The following DLG5 variants were observed in gnomAD, a reference collection of about 807,000 sequenced individuals.
DLG5 encodes the protein disks large homolog 5.
In DLG5, 48 loss-of-function variants were observed where a neutral mutation model predicts 189.8. The observed-to-expected ratio is 0.25, with a 90% CI of 0.20 to 0.32. DLG5 has a LOEUF of 0.32. Ranked by LOEUF, DLG5 falls within the 10% of genes least tolerant of loss-of-function variation. The pLI is 1.00. For missense variants in DLG5, 2,160 were observed against 2,544.7 expected (o/e 0.85, Z 3.25); for synonymous variants, 1,016 against 1,054.1 (o/e 0.96, Z 0.70).
At chr10:77,831,009 CAG>C (rs1842873048) in intron 9 of DLG5, 136 bp from the exon 10 acceptor site, 1 of 1,096,004 alleles carries the variant, frequency 9.1e-7, no homozygotes, top group South Asian at 1.7e-5. Flanking sequence ...CCCAATAACT[CAG>C]AGTCAGGTCA....
rs1235308691 is a variant in DLG5, at chr10:77,867,717, A to C, written c.373+1412T>G. On this transcript the variant is annotated intron_variant, in intron 2 of 31. Coordinates refer to ENST00000372391, the MANE Select transcript of DLG5 (RefSeq NM_004747.4). ...TAAAGTCCCAATCCAGTAAATGTGA[A>C]TGTGAACCTTATTTGGAAAGGTCAA... 2.0e-5 allele frequency among the ~76,000 whole-genome samples: 3 copies of C among 152,270 alleles called. No homozygotes were observed. The East Asian group carries it at 5.8e-4, about 29-fold the overall frequency.
intron 5 of DLG5, among the ~76,000 whole-genome samples, chr10:77,848,177 C>T (rs1165412166): frequency 1.3e-5 from 2 of 152,050 alleles, no homozygotes; most frequent in Non-Finnish European, 2.9e-5. Flanking sequence ...TGCAGGGAGG[C>T]CAGGAAGAGA....
chr10:77,849,977 G>C (rs1053513348), intron 5 of DLG5, among the ~76,000 whole-genome samples: 1 of 152,188 alleles, frequency 6.6e-6, no homozygotes, highest in Admixed American at 6.5e-5. Context: ...TGGGATTACA[G>C]GTGTGAGCCA....
At chr10:77,831,283 T>C (rs1177524967) in intron 9 of DLG5, among the ~76,000 whole-genome samples, 1 of 152,044 alleles carries the variant, frequency 6.6e-6, no homozygotes, top group Non-Finnish European at 1.5e-5. Flanking sequence ...CATGTGCCTG[T>C]AACCTCGGCT....
Position 77,805,820 on chromosome 10 carries a change from A to G in DLG5, c.5009T>C (p.Val1670Ala). 6.2e-7 allele frequency: 1 copy of G among 1,614,068 alleles called. No homozygotes were observed. Among genetic ancestry groups the G allele is most frequent in the Non-Finnish European group, 8.5e-7 (1 of 1,179,968 alleles). The part of the protein sequence containing the change: ...EFSRRLSMSE[V>A]KDDNSATKTL... ...CTTTGTGGCGCTATTGTCATCTTTG[A>G]CTTCAGACATGCTGAGCCTCCTGGA... The change falls in exon 27 of 32, where the codon GTC becomes GCC. Residue 1670 changes from valine (V) to alanine (A), a missense_variant. Transcript: ENST00000372391.
Position 77,914,092 on chromosome 10 carries a change from T to C in DLG5, c.304+12125A>G, listed in dbSNP as rs1846296069. Among the ~76,000 whole-genome samples the C allele has an allele frequency of 2.0e-5, 3 of 151,916 alleles. 1 individual carries two copies. In the Admixed American group the frequency reaches 2.0e-4, roughly 10 times the overall value. ...GCATCTAAGTCCCTCTAAGTATCCTTTCCTCAAAAACAAGCTCTTCAAGGT... is the reference window on the plus strand; with the variant it reads ...GCATCTAAGTCCCTCTAAGTATCCTCTCCTCAAAAACAAGCTCTTCAAGGT... On this transcript the variant is annotated intron_variant, in intron 1 of 31. Transcript: ENST00000372391.
At chr10:77,824,908 A>T (rs1842543491) in intron 13 of DLG5, among the ~76,000 whole-genome samples, 1 of 152,226 alleles carries the variant, frequency 6.6e-6, no homozygotes, top group Non-Finnish European at 1.5e-5. Context: ...TTGTAGAGAA[A>T]GTACCACGCG....
rs144191559 is a variant in DLG5 at position 77,885,888 on chromosome 10, C to G, written c.305-16691G>C. ...TGCCAGGAGTGAAACAAGCCCACAACTCTGATGAGCAGGATGAGAGGAGGA... is the reference window on the plus strand; with the variant it reads ...TGCCAGGAGTGAAACAAGCCCACAAGTCTGATGAGCAGGATGAGAGGAGGA... On this transcript the variant is annotated intron_variant, in intron 1 of 31. Coordinates refer to ENST00000372391, the MANE Select transcript of DLG5 (RefSeq NM_004747.4). Among the ~76,000 whole-genome samples, 125 of 152,320 alleles carry G rather than the reference C, an allele frequency of 8.2e-4. 1 individual carries two copies. In the East Asian group the frequency reaches 0.021, roughly 26 times the overall value.
intron 31 of DLG5, chr10:77,793,616 G>T (rs2154574718): frequency 5.4e-6 from 1 of 185,302 alleles, no homozygotes; most frequent in Admixed American, 6.1e-5. Context: ...TGCCCTGGAG[G>T]GTGCTAGGGA....
chr10:77,814,570 T>C (rs1841959744), intron 20 of DLG5, among the ~76,000 whole-genome samples: 1 of 148,632 alleles, frequency 6.7e-6, no homozygotes, highest in South Asian at 2.1e-4. Context: ...TTCTTCTTTC[T>C]ACTTTTCTGT....
chr10:77,907,902 T>C (rs1264207950), intron 1 of DLG5, among the ~76,000 whole-genome samples: 2 of 152,178 alleles, frequency 1.3e-5, no homozygotes, highest in Non-Finnish European at 2.9e-5. Flanking sequence ...AAAAGGTTGC[T>C]GGTGAGATCA....
rs751911342 is a variant in DLG5 at position 77,796,420 on chromosome 10, G to A, written c.5308+31C>T. 6.8e-6 allele frequency: 11 copies of A among 1,614,084 alleles called. No homozygotes were observed. The highest frequency in any genetic ancestry group is 8.5e-6 in the Non-Finnish European group (10 of 1,179,978). ...CAGGGACATAGAGACAAAGAGCCCA[G>A]TAGGCACAGAGGGTGCCCCGTGCCC... On this transcript the variant is annotated intron_variant, in intron 28 of 31. Coordinates refer to ENST00000372391, the MANE Select transcript of DLG5 (RefSeq NM_004747.4). The surrounding 1 kb of genome is among the most constrained non-coding windows in gnomAD (Gnocchi z 5.2).
intron 31 of DLG5, chr10:77,793,771 A>G: frequency 1.8e-6 from 1 of 556,640 alleles, no homozygotes; most frequent in Non-Finnish European, 3.2e-6. Flanking sequence ...GAAAATGAGC[A>G]GGCAAGCCAG....
rs554745031 is a variant in DLG5, at chr10:77,834,107, G to A, written c.1623-68C>T. On this transcript the variant is annotated intron_variant, in intron 8 of 31. Coordinates refer to ENST00000372391, the MANE Select transcript of DLG5 (RefSeq NM_004747.4). ...GGGAAGGGGGTTCCTGGTCTGCAGC[G>A]GATGGTCTGGCCACCTCACTCCAAA... The A allele has an allele frequency of 1.2e-3, 1,809 of 1,556,114 alleles. 5 individuals are homozygous for A. Among genetic ancestry groups the A allele is most frequent in the Non-Finnish European group, 1.4e-3 (1,665 of 1,152,792 alleles).
intron 3 of DLG5, 132 bp downstream of exon 3, chr10:77,856,598 G>C: frequency 2.5e-6 from 3 of 1,182,524 alleles, no homozygotes; most frequent in Non-Finnish European, 3.6e-6. Context: ...GACATGAGGT[G>C]GGGGAAAGGG....
chr10:77,930,939 G>A (rs531108563), upstream of DLG5, among the ~76,000 whole-genome samples: 283 of 149,254 alleles, frequency 1.9e-3, no homozygotes, highest in Non-Finnish European at 3.0e-3. Context: ...TCCTGCTTCA[G>A]CCTCCTGAGT....
rs1051066536 is a variant in DLG5, at chr10:77,842,046, C to T, written c.1272G>A (p.Glu424=). 6.2e-7 allele frequency: 1 copy of T among 1,614,226 alleles called. No individual in the cohort carries two copies. The highest frequency in any genetic ancestry group is 8.5e-7 in the Non-Finnish European group (1 of 1,180,056). ...TAKESEKYRE[E]RDAVYSEYKL... ...TGTACTCGCTGTACACAGCGTCCCG[C>T]TCCTCCCTGTATTTCTCCGACTCCT... Residue 424 remains glutamate, a synonymous_variant, in exon 7 of 32, where the codon GAG becomes GAA. Transcript: ENST00000372391.
At position 77,792,268 on chromosome 10, in the gene DLG5, G is replaced by A. The variant is rs17516354; in HGVS notation, c.*172C>T. ...GAGTGTGTGGGCCTGGGCCTGGATC[G>A]CACGCAGCCGTGGCCCTCTGTCTAC... On this transcript the variant is annotated 3_prime_UTR_variant, in exon 32 of 32. Coordinates refer to ENST00000372391, the MANE Select transcript of DLG5 (RefSeq NM_004747.4). 8,651 of 649,862 alleles carry A rather than the reference G, an allele frequency of 0.013. 178 individuals carry two copies. The highest frequency in any genetic ancestry group is 0.059 in the South Asian group (3,217 of 54,496). 40.3% of individuals were successfully genotyped at this position (649,862 alleles called of 1,614,324 possible). A position where few individuals can be genotyped will look rare whatever the true frequency, so the allele number is the denominator to read the frequency against.
intron 4 of DLG5, 128 bp from the exon 5 acceptor site, chr10:77,853,665 A>C (rs1347680517): frequency 5.1e-6 from 5 of 986,938 alleles, no homozygotes; most frequent in Non-Finnish European, 7.1e-6. Context: ...AATGGCAGGT[A>C]GGTCTGTAGC....
Sources: gnomAD v4.1 joint callset for allele counts (sites outside exome capture counted in the v4.1 genomes callset) on GRCh38, gnomAD v4.1.1 for gene constraint, Gnocchi (gnomAD v3.1) non-coding constraint, MANE v1.5 for transcripts, NCBI Gene and HGNC (gene_info 2026-07-23, HGNC 2026-07-21) for gene names.